Variants in PIK3C2G observed in about 807,000 individuals in gnomAD.
The protein encoded by PIK3C2G is phosphatidylinositol 3-kinase C2 domain-containing subunit gamma.
Under a neutral mutation model 181.1 loss-of-function variants are expected in PIK3C2G, and 168 were observed. The ratio of observed to expected loss-of-function variants is 0.93; its 90% CI spans 0.82 to 1.05. The LOEUF (loss-of-function observed/expected upper bound fraction) is 1.05. PIK3C2G is among the 50% of genes least tolerant of loss of function. The pLI is 0.00. For synonymous variants in PIK3C2G, 573 were observed against 592.2 expected, an observed-to-expected ratio of 0.97 and a Z score of 0.47; for missense variants, 1,869 against 1,732.8, an observed-to-expected ratio of 1.08 and a Z score of -1.40.
At chr12:18,655,491 G>A in the PIK3C2G span, among the ~76,000 whole-genome samples, 1 of 152,262 alleles carries the variant, frequency 6.6e-6, no homozygotes, top group East Asian at 1.9e-4. Flanking sequence ...CTGATAAAAG[G>A]TAGAACATAG....
chr12:18,413,406 A>G (rs1944984410), intron 16 of PIK3C2G, among the ~76,000 whole-genome samples: 1 of 152,170 alleles, frequency 6.6e-6, no homozygotes, highest in Non-Finnish European at 1.5e-5. Context: ...ATTATTGTAC[A>G]TGAATTCTTG....
Position 18,282,342 on chromosome 12 carries a change from T to C in PIK3C2G, c.261T>C (p.Asn87=), listed in dbSNP as rs767957267. The C allele has an allele frequency of 3.7e-6, 6 of 1,613,648 alleles. No homozygotes were observed. The East Asian group carries it at 1.1e-4, about 30-fold the overall frequency. Residue 87 remains asparagine, a synonymous_variant, in exon 2 of 33, where the codon AAT becomes AAC. Coordinates refer to ENST00000538779, the MANE Select transcript of PIK3C2G (RefSeq NM_001288772.2). The stretch of plus-strand genomic sequence containing the variant: ...ATGAAGCACACCAAATATCCTTGAA[T>C]GAATTCACTTCTAAAAGCCGTGAAC... The part of the protein sequence containing the change: ...SLNEAHQISL[N]EFTSKSRELS...
At chr12:18,660,922 A>G in the PIK3C2G span, among the ~76,000 whole-genome samples, 1 of 152,150 alleles carries the variant, frequency 6.6e-6, no homozygotes, top group Non-Finnish European at 1.5e-5. Context: ...AATCAAGAAA[A>G]CAAAGCATGA....
intron 8 of PIK3C2G, among the ~76,000 whole-genome samples, chr12:18,337,514 A>T (rs1416081968): frequency 6.6e-6 from 1 of 152,176 alleles, no homozygotes; most frequent in Non-Finnish European, 1.5e-5. Flanking sequence ...TCTGCAGACA[A>T]TACAAGAAGT....
chr12:18,380,951 T>C lies in PIK3C2G; in HGVS notation c.1881-815T>C, dbSNP rs564486370. On this transcript the variant is annotated intron_variant, in intron 13 of 32. Coordinates refer to ENST00000538779, the MANE Select transcript of PIK3C2G (RefSeq NM_001288772.2). Reference sequence around the variant, plus strand: ...TAAACTTAAATTTAATTTTGTTGACTTTCAGTTTTGCACTTTCAAGTTGGC... The same window carrying C: ...TAAACTTAAATTTAATTTTGTTGACCTTCAGTTTTGCACTTTCAAGTTGGC... Among the ~76,000 whole-genome samples the C allele has an allele frequency of 1.1e-4, 16 of 152,362 alleles. No individual in the cohort carries two copies. In the South Asian group the frequency reaches 3.3e-3, roughly 32 times the overall value.
chr12:18,293,900 G>C lies in PIK3C2G; in HGVS notation c.920-1G>C. ...CTTTTATTATTCCTCTTTTTCTTTA[G>C]CTAATTATCTTGTCAAAGATCTAAT... On this transcript the variant is annotated splice_acceptor_variant, in intron 4 of 32. Transcript: ENST00000538779. LOFTEE classifies it high-confidence loss of function. 7.1e-7 allele frequency: 1 copy of C among 1,404,372 alleles called. No individual in the cohort carries two copies. The allele number at this position is 1,404,372 out of a possible 1,614,324, so 87.0% of individuals were successfully genotyped here. A position where few individuals can be genotyped will look rare whatever the true frequency, so the allele number is the denominator to read the frequency against.
intron 24 of PIK3C2G, among the ~76,000 whole-genome samples, chr12:18,523,502 T>C (rs1565474681): frequency 6.6e-6 from 1 of 152,222 alleles, no homozygotes; most frequent in African/African-American, 2.4e-5. Flanking sequence ...ACTTCATTTA[T>C]AGGTAATTAC....
the PIK3C2G span, among the ~76,000 whole-genome samples, chr12:18,656,743 GCAA>G: frequency 1.6e-5 from 1 of 63,726 alleles, no homozygotes; most frequent in African/African-American, 7.0e-5. Context: ...TCAAACAACA[GCAA>G]CAACAACGAC....
At chr12:18,314,218 CTAAATA>C (rs1424299558) in intron 6 of PIK3C2G, among the ~76,000 whole-genome samples, 154 bp downstream of exon 6, 1 of 152,038 alleles carries the variant, frequency 6.6e-6, no homozygotes, top group Non-Finnish European at 1.5e-5. Context: ...AATATCTTAT[CTAAATA>C]TAAATACCTG....
At chr12:18,304,358 G>GTTATAAT in intron 5 of PIK3C2G, among the ~76,000 whole-genome samples, 4 of 152,008 alleles carry the variant, frequency 2.6e-5, no homozygotes, top group Admixed American at 2.6e-4. Context: ...CTGGATTCAA[G>GTTATAAT]CAATTCTCCT....
chr12:18,659,710 C>CTATTATT, the PIK3C2G span, among the ~76,000 whole-genome samples: 2,338 of 141,370 alleles, frequency 0.017, 57 homozygotes, highest in African/African-American at 0.057. Flanking sequence ...TTTTAGGGCA[C>CTATTATT]ATGTGCACAA....
chr12:18,308,891 T>A (rs1950529440), intron 5 of PIK3C2G, among the ~76,000 whole-genome samples: 1 of 151,754 alleles, frequency 6.6e-6, no homozygotes, highest in Admixed American at 6.6e-5. Flanking sequence ...AGCACTGTTA[T>A]GTGTTTAGAA....
At chr12:18,347,326 A>G (rs1036302387) in intron 11 of PIK3C2G, among the ~76,000 whole-genome samples, 11 of 152,202 alleles carry the variant, frequency 7.2e-5, no homozygotes, top group Admixed American at 5.2e-4. Context: ...GCGTTTCAAT[A>G]GAAATGAACG....
intron 30 of PIK3C2G, among the ~76,000 whole-genome samples, chr12:18,608,044 G>T (rs1483671397): frequency 6.7e-6 from 1 of 149,786 alleles, no homozygotes; most frequent in Non-Finnish European, 1.5e-5. Flanking sequence ...TAAAAAGTCA[G>T]GAAACAACAG....
At position 18,640,555 on chromosome 12, in the gene PIK3C2G, G is replaced by T; in HGVS notation, c.4308+1G>T. The T allele has an allele frequency of 1.9e-6, 3 of 1,590,582 alleles. No individual in the cohort carries two copies. The South Asian group carries it at 3.4e-5, about 18-fold the overall frequency. On this transcript the variant is annotated splice_donor_variant, in intron 32 of 32. Coordinates refer to ENST00000538779, the MANE Select transcript of PIK3C2G (RefSeq NM_001288772.2). LOFTEE classifies it high-confidence loss of function. ...TACGGACCCCACTTACAATGAAATT[G>T]TAAGTATAAGTCACCTTTTGTCCAG...
chr12:18,447,947 A>T (rs1327134111), intron 18 of PIK3C2G, among the ~76,000 whole-genome samples: 1 of 152,078 alleles, frequency 6.6e-6, no homozygotes, highest in African/African-American at 2.4e-5. Context: ...ATTATGGGGG[A>T]TTTCCTCCAC....
chr12:18,248,257 A>G (rs116668878), intron 1 of PIK3C2G, among the ~76,000 whole-genome samples: 106 of 152,208 alleles, frequency 7.0e-4, no homozygotes, highest in African/African-American at 2.4e-3. Flanking sequence ...TGTTTTACCT[A>G]TTAACATGGG....
At chr12:18,280,024 G>A (rs1949145369) in intron 1 of PIK3C2G, among the ~76,000 whole-genome samples, 1 of 151,972 alleles carries the variant, frequency 6.6e-6, no homozygotes, top group Admixed American at 6.6e-5. Context: ...ATAGAGAAAT[G>A]TTTGATAGTC....
intron 29 of PIK3C2G, among the ~76,000 whole-genome samples, chr12:18,569,724 C>T (rs1423154549): frequency 6.6e-6 from 1 of 152,068 alleles, no homozygotes; most frequent in Non-Finnish European, 1.5e-5. Context: ...ATACATTTTC[C>T]AATTTTCTAT....
Sources: gnomAD v4.1 joint callset for allele counts (sites outside exome capture counted in the v4.1 genomes callset) on GRCh38, gnomAD v4.1.1 for gene constraint, MANE v1.5 for transcripts, NCBI Gene and HGNC (gene_info 2026-07-23, HGNC 2026-07-21) for gene names.